Variants in MACIR observed in about 807,000 individuals in gnomAD.
MACIR encodes the protein macrophage immunometabolism regulator.
In MACIR, 4 loss-of-function variants were observed where a neutral mutation model predicts 14.3. The ratio of observed to expected loss-of-function variants is 0.28; its 90% CI spans 0.14 to 0.64. The LOEUF is 0.64. Ranked by LOEUF, MACIR falls within the 30% of genes least tolerant of loss-of-function variation. MACIR has a pLI of 0.83. For missense variants in MACIR, 228 were observed against 257.6 expected, an observed-to-expected ratio of 0.89 and a Z score of 0.79; for synonymous variants, 101 against 102.4, an observed-to-expected ratio of 0.99 and a Z score of 0.08.
chr5:103,276,567 T>C lies in MACIR; in HGVS notation c.*27T>C. 6.3e-7 allele frequency: 1 copy of C among 1,582,932 alleles called. No homozygotes were observed. Among genetic ancestry groups the C allele is most frequent in the South Asian group, 1.2e-5 (1 of 85,334 alleles). On this transcript the variant is annotated 3_prime_UTR_variant, in exon 3 of 3. Transcript: ENST00000319933. ...TGACTTGGAGAGAGCTTAAACCAAT[T>C]TAGGTCAGCCTACGCTTGGCTAGAA...
At chr5:103,258,992 G>C (rs1458789032) in intron 1 of MACIR, 96 bp downstream of exon 1, 1 of 152,660 alleles carries the variant, frequency 6.6e-6, no homozygotes, top group Non-Finnish European at 1.5e-5. Flanking sequence ...TTTGCCCCAG[G>C]CTCCGATCCC....
rs1377909400 is a variant in MACIR, at chr5:103,277,793, A to G, written c.*1253A>G. 6.0e-6 allele frequency: 1 copy of G among 166,738 alleles called. No homozygotes were observed. Among genetic ancestry groups the G allele is most frequent in the Admixed American group, 6.6e-5 (1 of 15,252 alleles). The allele number at this position is 166,738 out of a possible 1,614,324, so 10.3% of individuals were successfully genotyped here. A position where few individuals can be genotyped will look rare whatever the true frequency, so the allele number is the denominator to read the frequency against. On this transcript the variant is annotated 3_prime_UTR_variant, in exon 3 of 3. Transcript: ENST00000319933. ...AAACGTTCCATTTCTTTTTTCCCTC[A>G]TTTTTGACTCTTAAAGGTGCAATTT...
Position 103,278,609 on chromosome 5 carries a change from G to C in MACIR, c.*2069G>C, listed in dbSNP as rs1805417277. ...ACTGGTTACCTATGAGACCTGTTCT[G>C]TCCGTGTGCCTACGTTCCTTAATAA... On this transcript the variant is annotated 3_prime_UTR_variant, in exon 3 of 3. Transcript: ENST00000319933. 1 of 167,012 alleles carries C rather than the reference G, an allele frequency of 6.0e-6. No homozygotes were observed. Among genetic ancestry groups the C allele is most frequent in the African/African-American group, 2.4e-5 (1 of 41,436 alleles). 10.3% of individuals were successfully genotyped at this position (167,012 alleles called of 1,614,324 possible). A position where few individuals can be genotyped will look rare whatever the true frequency, so the allele number is the denominator to read the frequency against.
chr5:103,263,855 G>A (rs144251871), intron 1 of MACIR, among the ~76,000 whole-genome samples: 102 of 152,188 alleles, frequency 6.7e-4, no homozygotes, highest in African/African-American at 2.5e-3. Context: ...AGACGGTATT[G>A]GTTGATACCT....
intron 2 of MACIR, among the ~76,000 whole-genome samples, chr5:103,269,543 AT>A (rs1396097783): frequency 1.3e-5 from 2 of 152,118 alleles, no homozygotes; most frequent in Non-Finnish European, 2.9e-5. Flanking sequence ...TCAGAATGCA[AT>A]TTCAAAAAGA....
Position 103,259,926 on chromosome 5 carries a change from A to C in MACIR, c.-114+1030A>C, listed in dbSNP as rs868934253. 3 of 152,446 alleles carry C rather than the reference A, an allele frequency of 2.0e-5. No homozygotes were observed. The Middle Eastern group carries it at 0.01, about 519-fold the overall frequency. 9.4% of individuals were successfully genotyped at this position (152,446 alleles called of 1,614,324 possible). ...CCGCCAGAAAGGAGATGGGAACGCG[A>C]AGGGAATGATGGCCCCGTCCTTTTC... On this transcript the variant is annotated intron_variant, in intron 1 of 2. Coordinates refer to ENST00000319933, the MANE Select transcript of MACIR (RefSeq NM_033211.4).
Position 103,278,418 on chromosome 5 carries a change from C to T in MACIR, c.*1878C>T, listed in dbSNP as rs1352457597. 1 of 167,084 alleles carries T rather than the reference C, an allele frequency of 6.0e-6. No individual in the cohort carries two copies. Among genetic ancestry groups the T allele is most frequent in the Non-Finnish European group, 1.5e-5 (1 of 68,102 alleles). 10.4% of individuals were successfully genotyped at this position (167,084 alleles called of 1,614,324 possible). On this transcript the variant is annotated 3_prime_UTR_variant, in exon 3 of 3. Coordinates refer to ENST00000319933, the MANE Select transcript of MACIR (RefSeq NM_033211.4). ...AACTAGGTCCACTATCAACAGGCTACTTACTGTTCAAGAATTCCACTGAAG... is the reference window on the plus strand; with the variant it reads ...AACTAGGTCCACTATCAACAGGCTATTTACTGTTCAAGAATTCCACTGAAG...
Position 103,276,114 on chromosome 5 carries a change from G to A in MACIR, c.195G>A (p.Thr65=), listed in dbSNP as rs782756632. The A allele has an allele frequency of 1.9e-6, 3 of 1,613,980 alleles. No individual in the cohort carries two copies. The highest frequency in any genetic ancestry group is 2.5e-6 in the Non-Finnish European group (3 of 1,180,002). The change falls in exon 3 of 3, where the codon ACG becomes ACA. Residue 65 remains threonine (T), a synonymous_variant. Transcript: ENST00000319933. ...ACTCTAACTATTTGGTTGGCTTCAC[G>A]ACTGGCGAGGAACTCCTGAAGTTAG... ...HMDSNYLVGF[T]TGEELLKLAQ...
intron 2 of MACIR, among the ~76,000 whole-genome samples, chr5:103,268,686 G>T (rs1805014778): frequency 6.6e-6 from 1 of 152,206 alleles, no homozygotes; most frequent in Non-Finnish European, 1.5e-5. Context: ...AATCTGGGAT[G>T]GAAAACAGAC....
At chr5:103,268,715 T>G (rs1295218807) in intron 2 of MACIR, among the ~76,000 whole-genome samples, 1 of 152,168 alleles carries the variant, frequency 6.6e-6, no homozygotes, top group Non-Finnish European at 1.5e-5. Context: ...TTTTTGAAGC[T>G]CCTTGCATGA....
rs1804625105 is a variant in MACIR, at chr5:103,260,127, G to C, written c.-114+1231G>C. Among the ~76,000 whole-genome samples the C allele has an allele frequency of 1.3e-5, 2 of 151,782 alleles. 1 individual carries two copies. Among genetic ancestry groups the C allele is most frequent in the South Asian group, 4.1e-4 (2 of 4,826 alleles). On this transcript the variant is annotated intron_variant, in intron 1 of 2. Transcript: ENST00000319933. Reference sequence around the variant, plus strand: ...AGCTGGAGCTGGGAACTTTTTATTTGAGCAGGAAGAATGGAGGCATTTTAC... The same window carrying C: ...AGCTGGAGCTGGGAACTTTTTATTTCAGCAGGAAGAATGGAGGCATTTTAC...
chr5:103,264,730 G>T (rs888037949), intron 1 of MACIR, among the ~76,000 whole-genome samples: 12 of 152,082 alleles, frequency 7.9e-5, no homozygotes, highest in Non-Finnish European at 1.5e-4. Context: ...AGTTCTTGGT[G>T]CATTGGCTCC....
intron 2 of MACIR, among the ~76,000 whole-genome samples, chr5:103,268,060 AGTTT>A (rs1486730066): frequency 1.3e-5 from 2 of 152,100 alleles, no homozygotes; most frequent in East Asian, 3.8e-4. Flanking sequence ...GATGGACTGC[AGTTT>A]GTTTATCTCT....
chr5:103,278,178 A>T lies in MACIR; in HGVS notation c.*1638A>T, dbSNP rs1399230409. The T allele has an allele frequency of 1.2e-5, 2 of 167,072 alleles. No homozygotes were observed. Among genetic ancestry groups the T allele is most frequent in the Admixed American group, 1.3e-4 (2 of 15,290 alleles). 10.3% of individuals were successfully genotyped at this position (167,072 alleles called of 1,614,324 possible). A position where few individuals can be genotyped will look rare whatever the true frequency, so the allele number is the denominator to read the frequency against. On this transcript the variant is annotated 3_prime_UTR_variant, in exon 3 of 3. Transcript: ENST00000319933. Reference sequence around the variant, plus strand: ...TTTTAAAGTAAATTGCACCTTTGTAACATATTGTATTGACGAATGATCACT... The same window carrying T: ...TTTTAAAGTAAATTGCACCTTTGTATCATATTGTATTGACGAATGATCACT...
At chr5:103,264,290 T>C (rs1554236571) in intron 1 of MACIR, among the ~76,000 whole-genome samples, 1 of 152,144 alleles carries the variant, frequency 6.6e-6, no homozygotes. Flanking sequence ...GGGCTACTAC[T>C]AAAGAGTACT....
At chr5:103,266,071 T>A (rs573422210) in intron 2 of MACIR, 74 bp downstream of exon 2, 3 of 152,274 alleles carry the variant, frequency 2.0e-5, no homozygotes, top group African/African-American at 7.2e-5. Context: ...TTTTAAAGAC[T>A]ACATAAATAA....
In MACIR at chr5:103,278,078, C is replaced by G. The variant is rs147397765; in HGVS notation, c.*1538C>G. ...ATTAAGGCAAACTACGTGAAAGAGC[C>G]TTGGGGAAGTTGGCCCATATCTTAC... is the stretch of plus-strand genomic sequence containing the variant. On this transcript the variant is annotated 3_prime_UTR_variant, in exon 3 of 3. Coordinates refer to ENST00000319933, the MANE Select transcript of MACIR (RefSeq NM_033211.4). 119 of 167,024 alleles carry G rather than the reference C, an allele frequency of 7.1e-4. No individual in the cohort carries two copies. The highest frequency in any genetic ancestry group is 2.8e-3 in the African/African-American group (118 of 41,508). The allele number at this position is 167,024 out of a possible 1,614,324, so 10.3% of individuals were successfully genotyped here. A position where few individuals can be genotyped will look rare whatever the true frequency, so the allele number is the denominator to read the frequency against.
chr5:103,263,183 C>T (rs1554236448), intron 1 of MACIR, among the ~76,000 whole-genome samples: 2 of 151,770 alleles, frequency 1.3e-5, no homozygotes, highest in African/African-American at 4.8e-5. Context: ...TTATTTTTCC[C>T]TCTTTTTCAC....
At chr5:103,271,586 A>G (rs1554237116) in intron 2 of MACIR, among the ~76,000 whole-genome samples, 1 of 152,162 alleles carries the variant, frequency 6.6e-6, no homozygotes, top group African/African-American at 2.4e-5. Context: ...TCAGCAATAT[A>G]GAAGCATCTA....
Sources: allele counts gnomAD v4.1 joint callset (sites outside exome capture counted in the v4.1 genomes callset), GRCh38; gene constraint gnomAD v4.1.1; transcripts MANE v1.5; gene names NCBI Gene and HGNC (gene_info 2026-07-23, HGNC 2026-07-21).